Variants in HMGXB3 observed in about 807,000 individuals in gnomAD.
The protein encoded by HMGXB3 is HMG-box containing 3, also known as HMG domain-containing protein 3.
A neutral mutation model predicts 121.5 loss-of-function variants in HMGXB3; 45 were observed. The ratio of observed to expected loss-of-function variants is 0.37; its 90% CI spans 0.29 to 0.47. HMGXB3 has a LOEUF of 0.47. HMGXB3 is among the 20% of genes least tolerant of loss of function. The probability of loss-of-function intolerance (pLI) is 0.99; values close to 1 mark genes in which losing one functional copy is unlikely to be tolerated. For missense variants in HMGXB3, 1,376 were observed against 1,602.2 expected, an observed-to-expected ratio of 0.86 and a Z score of 2.41; for synonymous variants, 590 against 624.1, an observed-to-expected ratio of 0.95 and a Z score of 0.81.
chr5:150,037,346 A>G, intron 12 of HMGXB3, 54 bp from the exon 13 acceptor site: 1 of 1,465,706 alleles, frequency 6.8e-7, no homozygotes. Context: ...CTGGAACTCC[A>G]TAAAGAAGTC....
intron 5 of HMGXB3, 78 bp downstream of exon 5, chr5:150,012,431 T>G: frequency 2.0e-6 from 2 of 992,172 alleles, no homozygotes; most frequent in Non-Finnish European, 3.1e-6. Flanking sequence ...TGTCTTTTTT[T>G]CTTTCTGAGC....
intron 9 of HMGXB3, among the ~76,000 whole-genome samples, chr5:150,027,443 T>C (rs1197688781): frequency 6.6e-6 from 1 of 152,230 alleles, no homozygotes; most frequent in Non-Finnish European, 1.5e-5. Context: ...TTTATGTTCA[T>C]GTGTGTCCCC....
chr5:150,039,882 A>C (rs1756586928), intron 13 of HMGXB3, among the ~76,000 whole-genome samples: 2 of 152,216 alleles, frequency 1.3e-5, no homozygotes, highest in Admixed American at 1.3e-4. Context: ...GCTTTTGTGC[A>C]GATTAGTGCA....
chr5:150,045,639 C>T lies in HMGXB3; in HGVS notation c.2904C>T (p.Val968=), dbSNP rs757889225. The stretch of plus-strand genomic sequence containing the variant: ...CACCACTCATGAGAGGAGCTGTGGT[C>T]GTCAACACTGAGAAAGACAAAAACC... ...FFPPLMRGAV[V]VNTEKDKNLD... Residue 968 remains valine (V), a synonymous_variant, in exon 16 of 20, where the codon GTC becomes GTT. Transcript: ENST00000502717. The T allele has an allele frequency of 5.8e-6, 9 of 1,551,694 alleles. No homozygotes were observed. In the South Asian group the frequency reaches 5.9e-5, roughly 10 times the overall value.
At chr5:150,021,896 G>A (rs1756103773) in intron 6 of HMGXB3, 2 of 509,294 alleles carry the variant, frequency 3.9e-6, no homozygotes, top group African/African-American at 3.9e-5. Flanking sequence ...CTCCATGGGT[G>A]TTTTTCCGGT....
intron 2 of HMGXB3, 97 bp downstream of exon 2, chr5:150,005,086 T>C (rs570085720): frequency 1.4e-6 from 2 of 1,434,128 alleles, no homozygotes; most frequent in Admixed American, 5.4e-5. Flanking sequence ...TGAAAAAGAG[T>C]GTTATGATTG....
chr5:150,041,223 C>T (rs1262080752), intron 14 of HMGXB3, among the ~76,000 whole-genome samples: 1 of 152,208 alleles, frequency 6.6e-6, no homozygotes, highest in Non-Finnish European at 1.5e-5. Context: ...AGGCTCATGC[C>T]AAGACCTAAG....
At chr5:150,006,333 C>A in intron 2 of HMGXB3, 140 bp from the exon 3 acceptor site, 1 of 584,562 alleles carries the variant, frequency 1.7e-6, no homozygotes. Flanking sequence ...TTATCAACCT[C>A]TTGACTACCC....
Position 150,012,359 on chromosome 5 carries a change from T to A in HMGXB3, c.909+6T>A. The A allele has an allele frequency of 6.5e-7, 1 of 1,541,724 alleles. No homozygotes were observed. Among genetic ancestry groups the A allele is most frequent in the African/African-American group, 1.4e-5 (1 of 72,964 alleles). ...ACCCCACCTCCATCAAACTGGTCAG[T>A]ACTGTATGTGGGGGATTGATGGCAA... On this transcript the variant is annotated splice_donor_region_variant and intron_variant, in intron 5 of 19. Coordinates refer to ENST00000502717, the MANE Select transcript of HMGXB3 (RefSeq NM_014983.3).
chr5:150,030,928 G>C (rs1756359539), intron 10 of HMGXB3, 89 bp downstream of exon 10: 3 of 892,798 alleles, frequency 3.4e-6, no homozygotes, highest in Admixed American at 4.1e-5. Flanking sequence ...GGGAGAGGGT[G>C]GTGGTAGCTG....
At chr5:150,050,113 A>G (rs371089677) in intron 18 of HMGXB3, 139 bp from the exon 19 acceptor site, 13 of 712,958 alleles carry the variant, frequency 1.8e-5, no homozygotes, top group Non-Finnish European at 2.7e-5. Context: ...GCAGCATGCC[A>G]TGGGCTCTGG....
intron 18 of HMGXB3, 69 bp from the exon 19 acceptor site, chr5:150,050,183 T>G: frequency 7.5e-7 from 1 of 1,338,396 alleles, no homozygotes; most frequent in Non-Finnish European, 1.0e-6. Flanking sequence ...AAGAAGCGAG[T>G]GAGAACTGTA....
At position 150,051,709 on chromosome 5, in the gene HMGXB3, C is replaced by G. The variant is rs1003076040; in HGVS notation, c.3412-16C>G. 15 of 1,494,130 alleles carry G rather than the reference C, an allele frequency of 1.0e-5. No homozygotes were observed. Among genetic ancestry groups the G allele is most frequent in the Non-Finnish European group, 1.3e-5 (14 of 1,116,968 alleles). The allele number at this position is 1,494,130 out of a possible 1,614,324, so 92.6% of individuals were successfully genotyped here. On this transcript the variant is annotated splice_polypyrimidine_tract_variant and intron_variant, in intron 19 of 19. Coordinates refer to ENST00000502717, the MANE Select transcript of HMGXB3 (RefSeq NM_014983.3). ...TCATTCCTTCTTATCAAAATGCATT[C>G]TCATTTCTCTTCTAGAGTGTGTCCT...
chr5:150,010,338 G>A lies in HMGXB3; in HGVS notation c.540G>A (p.Glu180=), dbSNP rs1755798868. 2 of 1,551,660 alleles carry A rather than the reference G, an allele frequency of 1.3e-6. No individual in the cohort carries two copies. Among genetic ancestry groups the A allele is most frequent in the African/African-American group, 1.4e-5 (1 of 73,064 alleles). ...ETVPSHAGMA[E]QCLAVEALAE... ...TGCCCAGCCATGCAGGCATGGCAGA[G>A]CAGTGCCTGGCTGTGGAGGCCCTGG... The change falls in exon 4 of 20, where the codon GAG becomes GAA. Residue 180 remains glutamate (E), a synonymous_variant. Transcript: ENST00000502717.
chr5:150,003,267 T>C (rs1480065809), intron 1 of HMGXB3, among the ~76,000 whole-genome samples: 1 of 152,228 alleles, frequency 6.6e-6, no homozygotes, highest in Non-Finnish European at 1.5e-5. Flanking sequence ...GTAGAACATT[T>C]CCATCATCAG....
chr5:150,032,999 A>C (rs1378613377), intron 11 of HMGXB3, among the ~76,000 whole-genome samples: 1 of 152,168 alleles, frequency 6.6e-6, no homozygotes, highest in Non-Finnish European at 1.5e-5. Context: ...TGCAGATTAG[A>C]CCACCGCTGC....
chr5:150,028,559 A>ATAT (rs1375655538), intron 9 of HMGXB3, among the ~76,000 whole-genome samples: 1,391 of 38,782 alleles, frequency 0.036, 56 homozygotes, highest in Non-Finnish European at 0.051. Context: ...ATATATATAT[A>ATAT]TTTTTTTTTT....
At position 150,052,063 on chromosome 5, in the gene HMGXB3, C is replaced by T; in HGVS notation, c.3750C>T (p.Asp1250=). 2 of 1,551,936 alleles carry T rather than the reference C, an allele frequency of 1.3e-6. No individual in the cohort carries two copies. The highest frequency in any genetic ancestry group is 1.7e-6 in the Non-Finnish European group (2 of 1,147,054). ...AAATTGTCAATCGTCAGATCCATGA[C>T]ATTGTACAGAGCTGCCAGCCTGGTG... The part of the protein sequence containing the change: ...SREIVNRQIH[D]IVQSCQPGEV... The change falls in exon 20 of 20, where the codon GAC becomes GAT. Residue 1250 remains aspartate (D), a synonymous_variant. Coordinates refer to ENST00000502717, the MANE Select transcript of HMGXB3 (RefSeq NM_014983.3).
chr5:150,028,505 A>ATGTGTGTG lies in HMGXB3; in HGVS notation c.1734+1418_1734+1425dup, dbSNP rs1156746032. 5.7e-4 allele frequency among the ~76,000 whole-genome samples: 52 copies of ATGTGTGTG among 90,480 alleles called. 1 individual carries two copies. The highest frequency in any genetic ancestry group is 2.6e-3 in the African/African-American group (40 of 15,240). The allele number at this position is 90,480 out of a possible 152,430, so 59.4% of individuals were successfully genotyped here. A position where few individuals can be genotyped will look rare whatever the true frequency, so the allele number is the denominator to read the frequency against. ...TATATATATGTATATATATGTATGT[A>ATGTGTGTG]TGTGTGTGTGTGTGTGTGTGTGTGT... On this transcript the variant is annotated intron_variant, in intron 9 of 19. Transcript: ENST00000502717.
Sources: gnomAD v4.1 joint callset for allele counts (sites outside exome capture counted in the v4.1 genomes callset) on GRCh38, gnomAD v4.1.1 for gene constraint, MANE v1.5 for transcripts, NCBI Gene and HGNC (gene_info 2026-07-23, HGNC 2026-07-21) for gene names.